The following ATP6V1C2 variants were observed in gnomAD, a reference collection of about 807,000 sequenced individuals.
ATP6V1C2 encodes the protein V-type proton ATPase subunit C 2.
ATP6V1C2 carries 45 observed loss-of-function variants against 56.8 expected under a neutral mutation model. That is an observed-to-expected ratio of 0.79 (90% CI 0.62 to 1.02). The LOEUF is 1.02. Ranked by LOEUF, ATP6V1C2 falls within the 50% of genes least tolerant of loss-of-function variation. The pLI, the probability that ATP6V1C2 is intolerant of heterozygous loss-of-function variation, is 0.00. For synonymous variants in ATP6V1C2, 220 were observed against 201.3 expected (o/e 1.09, Z -0.79); for missense variants, 463 against 519.7 (o/e 0.89, Z 1.06).
chr2:10,741,161 C>G (rs1489349240), intron 3 of ATP6V1C2, among the ~76,000 whole-genome samples: 1 of 152,254 alleles, frequency 6.6e-6, no homozygotes, highest in South Asian at 2.1e-4. Context: ...AAGATCAGCT[C>G]GTTATTTAAA....
chr2:10,777,533 G>C (rs1425748442), intron 10 of ATP6V1C2, 52 bp from the exon 11 acceptor site: 3 of 1,591,282 alleles, frequency 1.9e-6, no homozygotes, highest in Admixed American at 1.8e-5. Flanking sequence ...TGATTTATTT[G>C]TTTGTGATGC....
intron 3 of ATP6V1C2, among the ~76,000 whole-genome samples, chr2:10,733,858 A>G (rs1395711293): frequency 1.5e-5 from 1 of 67,182 alleles, no homozygotes; most frequent in Non-Finnish European, 2.4e-5. Flanking sequence ...TCCCCTGTCT[A>G]TGGAATAGCT....
chr2:10,772,197 C>T (rs1664658950), intron 7 of ATP6V1C2, among the ~76,000 whole-genome samples: 1 of 152,210 alleles, frequency 6.6e-6, no homozygotes, highest in South Asian at 2.1e-4. Flanking sequence ...TATTTTATTT[C>T]ATCCTCACCA....
intron 2 of ATP6V1C2, among the ~76,000 whole-genome samples, chr2:10,725,259 TA>T (rs1348128172): frequency 3.3e-5 from 5 of 151,258 alleles, no homozygotes; most frequent in African/African-American, 1.2e-4. Context: ...ACTAAAAATA[TA>T]AAAAAATAAG....
At position 10,784,212 on chromosome 2, in the gene ATP6V1C2, C is replaced by T; in HGVS notation, c.*949C>T. ...GTCCCTTCACTGCTGGAAAAATCCA[C>T]TGGCTCCCAAGAAAAGAAAATGGTC... On this transcript the variant is annotated 3_prime_UTR_variant, in exon 14 of 14. Transcript: ENST00000272238. The T allele has an allele frequency of 6.7e-7, 1 of 1,503,270 alleles. No homozygotes were observed. The highest frequency in any genetic ancestry group is 9.2e-7 in the Non-Finnish European group (1 of 1,090,368). 93.1% of individuals were successfully genotyped at this position (1,503,270 alleles called of 1,614,324 possible). A position where few individuals can be genotyped will look rare whatever the true frequency, so the allele number is the denominator to read the frequency against.
intron 3 of ATP6V1C2, among the ~76,000 whole-genome samples, chr2:10,731,039 C>T (rs1471828732): frequency 2.6e-5 from 4 of 152,096 alleles, no homozygotes; most frequent in Non-Finnish European, 5.9e-5. Flanking sequence ...GCAACCTCCA[C>T]CTCTCTGGCT....
chr2:10,743,821 C>G (rs1662698851), intron 3 of ATP6V1C2, among the ~76,000 whole-genome samples: 1 of 151,686 alleles, frequency 6.6e-6, no homozygotes, highest in African/African-American at 2.4e-5. Context: ...CCCATCTTTA[C>G]TAAAAATACA....
At chr2:10,772,917 C>T (rs1249425034) in intron 8 of ATP6V1C2, among the ~76,000 whole-genome samples, 2 of 152,170 alleles carry the variant, frequency 1.3e-5, no homozygotes, top group Non-Finnish European at 2.9e-5. Flanking sequence ...CTCGGCTCAG[C>T]GTCAATTCTT....
chr2:10,770,077 C>G (rs1257030811), intron 6 of ATP6V1C2: 1 of 151,956 alleles, frequency 6.6e-6, no homozygotes, highest in Non-Finnish European at 1.5e-5. Flanking sequence ...GCAAATGGTA[C>G]ATTAGTGGAA....
chr2:10,733,331 G>C (rs934605193), intron 3 of ATP6V1C2, among the ~76,000 whole-genome samples: 2 of 152,140 alleles, frequency 1.3e-5, no homozygotes, highest in Non-Finnish European at 2.9e-5. Flanking sequence ...AAAAGTCCTC[G>C]AGTGTTATTA....
intron 13 of ATP6V1C2, 96 bp from the exon 14 acceptor site, chr2:10,783,078 C>A (rs769965309): frequency 6.2e-5 from 54 of 875,436 alleles, no homozygotes; most frequent in Non-Finnish European, 9.2e-5. Flanking sequence ...CAGAGCAGAA[C>A]GTACGCTCAG....
Position 10,783,205 on chromosome 2 carries a change from A to G in ATP6V1C2, c.1226A>G (p.Asn409Ser), listed in dbSNP as rs1665504589. The G allele has an allele frequency of 6.2e-7, 1 of 1,613,692 alleles. No homozygotes were observed. Among genetic ancestry groups the G allele is most frequent in the Non-Finnish European group, 8.5e-7 (1 of 1,179,750 alleles). Residue 409 changes from asparagine (N) to serine (S), a missense_variant, in exon 14 of 14, where the codon AAT (asparagine) becomes AGT (serine). Asn to Ser is a conservative substitution (Grantham distance 46). Transcript: ENST00000272238. The part of the protein sequence containing the change: ...ASVEIPGLQL[N>S]NQDYFPYVYF... ...GTGGAGATCCCGGGACTGCAACTCA[A>G]TAACCAAGACTATTTTCCTTATGTC...
intron 1 of ATP6V1C2, 37 bp downstream of exon 1, chr2:10,721,768 G>A (rs1661372049): frequency 6.6e-6 from 1 of 152,088 alleles, no homozygotes; most frequent in African/African-American, 2.4e-5. Flanking sequence ...CCGAGGCAGG[G>A]GCGGGGTGGG....
Position 10,783,993 on chromosome 2 carries a change from G to T in ATP6V1C2, c.*730G>T. 1 of 289,798 alleles carries T rather than the reference G, an allele frequency of 3.5e-6. No homozygotes were observed. The allele number at this position is 289,798 out of a possible 1,614,324, so 18.0% of individuals were successfully genotyped here. ...TCAAGCAGCAGTCAGAGAGAAAAAT[G>T]TTTCGACAGCCAAGTTTTCTTCAAA... On this transcript the variant is annotated 3_prime_UTR_variant, in exon 14 of 14. Coordinates refer to ENST00000272238, the MANE Select transcript of ATP6V1C2 (RefSeq NM_001039362.2).
At chr2:10,732,243 CTCTTTCTCT>C (rs1272422630) in intron 3 of ATP6V1C2, among the ~76,000 whole-genome samples, 4 of 151,940 alleles carry the variant, frequency 2.6e-5, no homozygotes, top group African/African-American at 9.7e-5. Flanking sequence ...CTCTCTCTCT[CTCTTTCTCT>C]CACTCTTTCT....
rs1177433098 is a variant in ATP6V1C2, at chr2:10,783,851, T to C, written c.*588T>C. 1.3e-5 allele frequency: 2 copies of C among 159,512 alleles called. No individual in the cohort carries two copies. Among genetic ancestry groups the C allele is most frequent in the Admixed American group, 6.2e-5 (1 of 16,128 alleles). The allele number at this position is 159,512 out of a possible 1,614,324, so 9.9% of individuals were successfully genotyped here. On this transcript the variant is annotated 3_prime_UTR_variant, in exon 14 of 14. Coordinates refer to ENST00000272238, the MANE Select transcript of ATP6V1C2 (RefSeq NM_001039362.2). ...ATTTATGATGTGGATACTAACTTCA[T>C]ACATTTATCGGCATTGTCCAAAATA...
At chr2:10,732,329 G>A (rs1662002195) in intron 3 of ATP6V1C2, among the ~76,000 whole-genome samples, 1 of 151,994 alleles carries the variant, frequency 6.6e-6, no homozygotes, top group South Asian at 2.1e-4. Flanking sequence ...CGTGATCTTG[G>A]CTCACTGCAA....
intron 8 of ATP6V1C2, among the ~76,000 whole-genome samples, chr2:10,773,566 A>G (rs1664767983): frequency 6.6e-6 from 1 of 151,878 alleles, no homozygotes; most frequent in African/African-American, 2.4e-5. Context: ...TATTTTTGGT[A>G]GAGATGGGGT....
chr2:10,754,143 C>A, intron 4 of ATP6V1C2, 77 bp downstream of exon 4: 1 of 1,246,646 alleles, frequency 8.0e-7, no homozygotes, highest in Non-Finnish European at 1.1e-6. Flanking sequence ...GCTGTGGCCA[C>A]ACAGCAATCA....
Sources: gnomAD v4.1 joint callset for allele counts (sites outside exome capture counted in the v4.1 genomes callset) on GRCh38, gnomAD v4.1.1 for gene constraint, MANE v1.5 for transcripts, NCBI Gene and HGNC (gene_info 2026-07-23, HGNC 2026-07-21) for gene names.